Variants in TNKS observed in about 807,000 individuals in gnomAD.
TNKS encodes the protein tankyrase.
In TNKS, 72 loss-of-function variants were observed where a neutral mutation model predicts 135.8. The ratio of observed to expected loss-of-function variants is 0.53; its 90% CI spans 0.44 to 0.64. The LOEUF is 0.64. TNKS is among the 30% of genes least tolerant of loss of function. The pLI is 0.00. For missense variants in TNKS, 1,769 were observed against 1,674.0 expected (o/e 1.06, Z -0.99); for synonymous variants, 849 against 649.3 (o/e 1.31, Z -4.68).
intron 4 of TNKS, 127 bp downstream of exon 4, chr8:9,680,114 T>G: frequency 1.5e-6 from 1 of 652,866 alleles, no homozygotes; most frequent in South Asian, 1.9e-5. Context: ...ATGCAGATAC[T>G]AAATCTTTAT....
At chr8:9,743,989 T>C (rs1806102208) in intron 17 of TNKS, among the ~76,000 whole-genome samples, 1 of 152,232 alleles carries the variant, frequency 6.6e-6, no homozygotes, top group African/African-American at 2.4e-5. Context: ...TATTTATTGA[T>C]CATTATTCCT....
At chr8:9,597,147 C>G (rs1798820364) in intron 2 of TNKS, among the ~76,000 whole-genome samples, 1 of 152,194 alleles carries the variant, frequency 6.6e-6, no homozygotes, top group South Asian at 2.1e-4. Context: ...TGCAATGTAT[C>G]ACATACAGAC....
At chr8:9,596,419 A>T (rs1019102991) in intron 2 of TNKS, among the ~76,000 whole-genome samples, 2 of 152,230 alleles carry the variant, frequency 1.3e-5, no homozygotes, top group African/African-American at 4.8e-5. Flanking sequence ...ATTAAGTATA[A>T]TAATTGTATT....
At position 9,735,102 on chromosome 8, in the gene TNKS, C is replaced by T; in HGVS notation, c.2533+18C>T. On this transcript the variant is annotated intron_variant, in intron 16 of 26. Transcript: ENST00000310430. ...CCTGGCAGGTAAGCGCCCCCAGTGC[C>T]TCCAAGCCTCCTTTTCCTTTCTCGG... The T allele has an allele frequency of 6.2e-7, 1 of 1,603,210 alleles. No homozygotes were observed. The highest frequency in any genetic ancestry group is 2.2e-5 in the East Asian group (1 of 44,800).
intron 2 of TNKS, among the ~76,000 whole-genome samples, chr8:9,605,604 G>T (rs1799186966): frequency 6.6e-6 from 1 of 151,998 alleles, no homozygotes; most frequent in Admixed American, 6.6e-5. Flanking sequence ...CATTTGTAAT[G>T]CCCACAAGTA....
intron 1 of TNKS, among the ~76,000 whole-genome samples, chr8:9,562,578 A>T (rs1797378877): frequency 6.6e-6 from 1 of 152,206 alleles, no homozygotes; most frequent in African/African-American, 2.4e-5. Context: ...TATTATAGAC[A>T]GTATATATGT....
chr8:9,775,317 T>C (rs1050361082), intron 26 of TNKS, among the ~76,000 whole-genome samples: 2 of 151,746 alleles, frequency 1.3e-5, no homozygotes, highest in African/African-American at 2.4e-5. Flanking sequence ...ACAGACTGGT[T>C]ACTGAGACTT....
At chr8:9,566,033 C>T (rs1025411229) in intron 1 of TNKS, among the ~76,000 whole-genome samples, 1 of 151,924 alleles carries the variant, frequency 6.6e-6, no homozygotes, top group Admixed American at 6.6e-5. Context: ...TTCTGATGCC[C>T]TCATTCTGAT....
At chr8:9,764,124 A>AT (rs1010618493) in intron 22 of TNKS, among the ~76,000 whole-genome samples, 7 of 151,984 alleles carry the variant, frequency 4.6e-5, no homozygotes, top group East Asian at 3.9e-4. Flanking sequence ...AAGAGAATTC[A>AT]TTTTTTTTAT....
intron 2 of TNKS, among the ~76,000 whole-genome samples, chr8:9,583,929 C>T (rs1798268043): frequency 6.6e-6 from 1 of 151,488 alleles, no homozygotes; most frequent in South Asian, 2.1e-4. Flanking sequence ...CTTTGGGAGG[C>T]CGAGATGGGT....
intron 3 of TNKS, among the ~76,000 whole-genome samples, chr8:9,667,711 A>G (rs989855734): frequency 2.0e-5 from 3 of 152,172 alleles, no homozygotes; most frequent in African/African-American, 7.2e-5. Context: ...TTACTTCTTC[A>G]GCTGCACACA....
intron 3 of TNKS, among the ~76,000 whole-genome samples, chr8:9,660,858 C>A (rs541364283): frequency 6.6e-6 from 1 of 152,140 alleles, no homozygotes; most frequent in Non-Finnish European, 1.5e-5. Flanking sequence ...AGCCCAAAAT[C>A]TCCTTAAGCT....
intron 25 of TNKS, among the ~76,000 whole-genome samples, chr8:9,766,735 C>T (rs927673777): frequency 3.9e-5 from 6 of 152,104 alleles, no homozygotes; most frequent in African/African-American, 9.7e-5. Flanking sequence ...CTGCCCACCT[C>T]GGCCTCCCAA....
intron 3 of TNKS, among the ~76,000 whole-genome samples, chr8:9,665,441 A>G (rs1801941191): frequency 6.6e-6 from 1 of 152,124 alleles, no homozygotes; most frequent in South Asian, 2.1e-4. Flanking sequence ...TTTTATTCGT[A>G]TTTCCACTTC....
intron 8 of TNKS, 67 bp downstream of exon 8, chr8:9,707,064 C>G (rs1477260272): frequency 2.5e-5 from 34 of 1,340,662 alleles, no homozygotes; most frequent in Non-Finnish European, 3.4e-5. Flanking sequence ...TGAGTTTTAT[C>G]TACCTTAAAT....
At chr8:9,706,763 A>T (rs770869506) in intron 7 of TNKS, 48 bp from the exon 8 acceptor site, 5 of 1,523,832 alleles carry the variant, frequency 3.3e-6, no homozygotes, top group Non-Finnish European at 4.4e-6. Context: ...GTTTTATTTG[A>T]TCCAGCAAAA....
chr8:9,606,236 A>G (rs1306139075), intron 2 of TNKS, among the ~76,000 whole-genome samples: 1 of 149,156 alleles, frequency 6.7e-6, no homozygotes, highest in African/African-American at 2.5e-5. Context: ...CCGTTGAATT[A>G]CTGTGCTTCC....
chr8:9,775,459 CTATATATATA>C (rs59789406), intron 26 of TNKS, among the ~76,000 whole-genome samples: 17,807 of 80,390 alleles, frequency 0.22, 1,733 homozygotes, highest in Middle Eastern at 0.26. Flanking sequence ...ATGAATGGTT[CTATATATATA>C]TATATATATA....
In TNKS at chr8:9,556,540, C is replaced by G. The variant is rs1327673548; in HGVS notation, c.601C>G (p.Leu201Val). 2.5e-6 allele frequency: 4 copies of G among 1,614,026 alleles called. No homozygotes were observed. The highest frequency in any genetic ancestry group is 3.4e-6 in the Non-Finnish European group (4 of 1,180,038). Residue 201 changes from leucine to valine, a missense_variant, in exon 1 of 27, where the codon CTG becomes GTG. Coordinates refer to ENST00000310430, the MANE Select transcript of TNKS (RefSeq NM_003747.3). The part of the protein sequence containing the change: ...RNGDVSRVKR[L>V]VDAANVNAKD... ...TGGGGACGTGTCCCGGGTAAAGAGGCTGGTGGACGCGGCAAACGTAAATGC... is the reference window on the plus strand; with the variant it reads ...TGGGGACGTGTCCCGGGTAAAGAGGGTGGTGGACGCGGCAAACGTAAATGC...
Sources: gnomAD v4.1 joint callset for allele counts (sites outside exome capture counted in the v4.1 genomes callset) on GRCh38, gnomAD v4.1.1 for gene constraint, MANE v1.5 for transcripts, NCBI Gene and HGNC (gene_info 2026-07-23, HGNC 2026-07-21) for gene names.